The following TPST1 variants were observed in gnomAD, a reference collection of about 807,000 sequenced individuals.
TPST1 encodes the protein protein-tyrosine sulfotransferase 1.
In TPST1, 20 loss-of-function variants were observed where a neutral mutation model predicts 34.8. The ratio of observed to expected loss-of-function variants is 0.57; its 90% CI spans 0.40 to 0.84. The LOEUF is 0.84. TPST1 is among the 40% of genes least tolerant of loss of function. The pLI, the probability that TPST1 is intolerant of heterozygous loss-of-function variation, is 0.00. For synonymous variants in TPST1, 152 were observed against 159.4 expected (o/e 0.95, Z 0.35); for missense variants, 353 against 455.5 (o/e 0.78, Z 2.05).
chr7:66,330,540 C>T (rs564412732), intron 3 of TPST1, among the ~76,000 whole-genome samples: 1 of 152,268 alleles, frequency 6.6e-6, no homozygotes, highest in African/African-American at 2.4e-5. Context: ...CTAATTCATT[C>T]GGCACATTTT....
At chr7:66,273,834 A>G (rs1469507224) in intron 2 of TPST1, among the ~76,000 whole-genome samples, 1 of 151,506 alleles carries the variant, frequency 6.6e-6, no homozygotes, top group Admixed American at 6.6e-5. Flanking sequence ...ACAGGGTCTC[A>G]CTCTGTCACC....
rs761486480 is a variant in TPST1 at position 66,240,790 on chromosome 7, T to G, written c.365T>G (p.Ile122Ser). 3 of 1,614,146 alleles carry G rather than the reference T, an allele frequency of 1.9e-6. No individual in the cohort carries two copies. Among genetic ancestry groups the G allele is most frequent in the Non-Finnish European group, 1.7e-6 (2 of 1,180,018 alleles). The stretch of plus-strand genomic sequence containing the variant: ...TGGTCACGGTCAAGTAAAGAGAAGA[T>G]CCGCCTGGATGAGGCTGGTGTTACT... ...QMWSRSSKEK[I>S]RLDEAGVTDE... Residue 122 changes from isoleucine (I) to serine (S), a missense_variant, in exon 2 of 6, where the codon ATC becomes AGC. Ile to Ser is a moderately radical substitution (Grantham distance 142). Coordinates refer to ENST00000304842, the MANE Select transcript of TPST1 (RefSeq NM_003596.4).
At chr7:66,356,925 A>G in intron 5 of TPST1, 54 bp downstream of exon 5, 1 of 1,597,472 alleles carries the variant, frequency 6.3e-7, no homozygotes, top group African/African-American at 1.3e-5. Context: ...GGGCTCTTGC[A>G]GGGGGCTGGG....
intron 3 of TPST1, among the ~76,000 whole-genome samples, chr7:66,330,537 A>G (rs1211344460): frequency 6.6e-6 from 1 of 152,192 alleles, no homozygotes; most frequent in Non-Finnish European, 1.5e-5. Flanking sequence ...CATCTAATTC[A>G]TTCGGCACAT....
In TPST1 at chr7:66,332,170, G is replaced by GC. The variant is rs35627732; in HGVS notation, c.1045-20332dup. Among the ~76,000 whole-genome samples the GC allele has an allele frequency of 0.9, 136,452 of 152,196 alleles. 61,345 individuals are homozygous for GC. The highest frequency in any genetic ancestry group is 0.94 in the African/African-American group (39,016 of 41,524). On this transcript the variant is annotated intron_variant, in intron 3 of 5. Coordinates refer to ENST00000304842, the MANE Select transcript of TPST1 (RefSeq NM_003596.4). The surrounding 1 kb of genome is among the most constrained non-coding windows in gnomAD (Gnocchi z 4.5). The stretch of plus-strand genomic sequence containing the variant: ...GGAAAGATTGTTTTTCACAAAACCG[G>GC]CCCAAAGTTGGGGACTACTGCTATA...
At chr7:66,297,390 C>A (rs1258744706) in intron 3 of TPST1, among the ~76,000 whole-genome samples, 3 of 152,166 alleles carry the variant, frequency 2.0e-5, no homozygotes, top group African/African-American at 4.8e-5. Context: ...GTTCATTAAA[C>A]TGAGCAGGAA....
intron 1 of TPST1, among the ~76,000 whole-genome samples, chr7:66,211,473 A>C (rs76279847): frequency 0.016 from 2,452 of 152,280 alleles, 62 homozygotes; most frequent in East Asian, 0.092. Flanking sequence ...GTCTGAAACC[A>C]TGCCTTATTT....
chr7:66,303,178 G>T (rs1791351761), intron 3 of TPST1, among the ~76,000 whole-genome samples: 1 of 152,072 alleles, frequency 6.6e-6, no homozygotes, highest in Non-Finnish European at 1.5e-5. Context: ...CTAAGGACAT[G>T]CCAGACATGC....
intron 1 of TPST1, among the ~76,000 whole-genome samples, chr7:66,218,316 A>T (rs767409965): frequency 6.6e-6 from 1 of 152,056 alleles, no homozygotes; most frequent in Non-Finnish European, 1.5e-5. Flanking sequence ...CATGGCATAT[A>T]TGGTTAGTTT....
At chr7:66,230,937 C>T (rs977700225) in intron 1 of TPST1, among the ~76,000 whole-genome samples, 3 of 152,182 alleles carry the variant, frequency 2.0e-5, no homozygotes, top group Admixed American at 6.5e-5. Context: ...CACAAAGGTT[C>T]TCCAAGGCCC....
chr7:66,303,743 A>G (rs907829658), intron 3 of TPST1, among the ~76,000 whole-genome samples: 1 of 152,172 alleles, frequency 6.6e-6, no homozygotes. Flanking sequence ...ATAAATAAGT[A>G]AAGACTTTTC....
At chr7:66,320,855 C>T (rs1791742437) in intron 3 of TPST1, among the ~76,000 whole-genome samples, 1 of 152,168 alleles carries the variant, frequency 6.6e-6, no homozygotes, top group Non-Finnish European at 1.5e-5. Flanking sequence ...GCCTCAGCCT[C>T]CCAAAGTGCT....
At chr7:66,316,626 A>G (rs542578444) in intron 3 of TPST1, among the ~76,000 whole-genome samples, 3 of 152,358 alleles carry the variant, frequency 2.0e-5, no homozygotes, top group Admixed American at 2.0e-4. Context: ...ATTTAGATTC[A>G]TTAGCATTTT....
intron 3 of TPST1, among the ~76,000 whole-genome samples, chr7:66,299,252 T>A (rs924617875): frequency 6.6e-6 from 1 of 152,040 alleles, no homozygotes; most frequent in African/African-American, 2.4e-5. Context: ...ATGCACTTCC[T>A]TTAGCAGTTC....
At position 66,241,317 on chromosome 7, in the gene TPST1, AATGATCTATACAT is replaced by A. The variant is rs377454641; in HGVS notation, c.845+51_845+63del. On this transcript the variant is annotated intron_variant, in intron 2 of 5. Transcript: ENST00000304842. Reference sequence around the variant, plus strand: ...TATTTTGACTCTATATTTAGCTAATAATGATCTATACATATGTATGTATGTGTTTTATGTATAT... The same window carrying A: ...TATTTTGACTCTATATTTAGCTAATAATGTATGTATGTGTTTTATGTATAT... 644 of 1,554,648 alleles carry A rather than the reference AATGATCTATACAT, an allele frequency of 4.1e-4. 3 individuals carry two copies. In the African/African-American group the frequency reaches 7.9e-3, roughly 19 times the overall value.
the TPST1 span, among the ~76,000 whole-genome samples, chr7:66,199,080 C>A: frequency 6.6e-6 from 1 of 152,144 alleles, no homozygotes; most frequent in African/African-American, 2.4e-5. Flanking sequence ...CCTGGAGTCT[C>A]CCTGGCCTTT....
chr7:66,224,901 C>CTTTTTTTTT (rs780952403), intron 1 of TPST1, among the ~76,000 whole-genome samples: 454 of 42,422 alleles, frequency 0.011, 87 homozygotes, highest in East Asian at 0.018. Flanking sequence ...TTCTGGTATT[C>CTTTTTTTTT]TTTTTTTTTT....
intron 3 of TPST1, among the ~76,000 whole-genome samples, chr7:66,343,046 A>G (rs1792271572): frequency 6.6e-6 from 1 of 152,152 alleles, no homozygotes; most frequent in African/African-American, 2.4e-5. Flanking sequence ...CCAGGCACAC[A>G]GGCTCACTAA....
chr7:66,256,818 T>C (rs1166551713), intron 2 of TPST1, among the ~76,000 whole-genome samples: 2 of 152,216 alleles, frequency 1.3e-5, no homozygotes, highest in Non-Finnish European at 2.9e-5. Context: ...CTCATGTCTC[T>C]TGCATATGGC....
Sources: allele counts gnomAD v4.1 joint callset (sites outside exome capture counted in the v4.1 genomes callset), GRCh38; gene constraint gnomAD v4.1.1; non-coding constraint Gnocchi (gnomAD v3.1); transcripts MANE v1.5; gene names NCBI Gene and HGNC (gene_info 2026-07-23, HGNC 2026-07-21).